Variants in SLIT3 observed in about 807,000 individuals in gnomAD.
SLIT3 encodes the protein slit homolog 3 protein.
Under a neutral mutation model 184.0 loss-of-function variants are expected in SLIT3, and 68 were observed. The ratio of observed to expected loss-of-function variants is 0.37; its 90% CI spans 0.30 to 0.45. The LOEUF is 0.45. Ranked by LOEUF, SLIT3 falls within the 20% of genes least tolerant of loss-of-function variation. The pLI is 1.00. For missense variants in SLIT3, 1,707 were observed against 2,026.0 expected, an observed-to-expected ratio of 0.84 and a Z score of 3.02; for synonymous variants, 831 against 828.6, an observed-to-expected ratio of 1.00 and a Z score of -0.05.
chr5:168,874,513 G>A (rs1759660112), intron 5 of SLIT3, among the ~76,000 whole-genome samples: 1 of 152,178 alleles, frequency 6.6e-6, no homozygotes, highest in South Asian at 2.1e-4. Flanking sequence ...TAACTTACAG[G>A]CTATAGGAGG....
intron 1 of SLIT3, chr5:169,263,711 TC>T: frequency 2.0e-6 from 1 of 509,342 alleles, no homozygotes; most frequent in Non-Finnish European, 4.0e-6. Context: ...CCCTGCAGCC[TC>T]CCCCAGCTGC....
chr5:168,977,779 G>C (rs1185489462), intron 4 of SLIT3, among the ~76,000 whole-genome samples: 5 of 151,476 alleles, frequency 3.3e-5, no homozygotes, highest in Non-Finnish European at 7.4e-5. Flanking sequence ...AGTGTGTTTT[G>C]TTGCTTTCAA....
chr5:168,711,145 G>C (rs1288243990), intron 24 of SLIT3, 87 bp from the exon 25 acceptor site: 18 of 1,290,212 alleles, frequency 1.4e-5, no homozygotes, highest in African/African-American at 4.6e-5. Context: ...TGCATTTTCA[G>C]ACTTTGGCTA....
chr5:168,671,933 A>C (rs1761263131), intron 33 of SLIT3, among the ~76,000 whole-genome samples: 2 of 150,148 alleles, frequency 1.3e-5, no homozygotes, highest in Non-Finnish European at 3.0e-5. Context: ...TGAGGAGATA[A>C]GATAAGGTTT....
rs189035808 is a variant in SLIT3, at chr5:168,712,630, G to A, written c.2484-276C>T. The A allele has an allele frequency of 3.0e-3, 1,206 of 396,346 alleles. 24 individuals carry two copies. Among genetic ancestry groups the A allele is most frequent in the Non-Finnish European group, 8.0e-4 (173 of 217,202 alleles). The allele number at this position is 396,346 out of a possible 1,614,324, so 24.6% of individuals were successfully genotyped here. A position where few individuals can be genotyped will look rare whatever the true frequency, so the allele number is the denominator to read the frequency against. On this transcript the variant is annotated intron_variant, in intron 23 of 35. Transcript: ENST00000519560. The stretch of plus-strand genomic sequence containing the variant: ...AATCAGAAACCAGTCTCTCTTAGCC[G>A]TGGAATGCTGGATAAGTTACGTCAC...
At chr5:168,795,310 G>A (rs998132138) in intron 10 of SLIT3, among the ~76,000 whole-genome samples, 197 bp downstream of exon 10, 1 of 152,158 alleles carries the variant, frequency 6.6e-6, no homozygotes, top group African/African-American at 2.4e-5. Flanking sequence ...ACATGTCCAA[G>A]CCCACACACC....
intron 1 of SLIT3, among the ~76,000 whole-genome samples, chr5:169,295,105 T>C (rs1438370037): frequency 1.3e-5 from 2 of 152,208 alleles, no homozygotes; most frequent in Admixed American, 1.3e-4. Flanking sequence ...CCTTAGGCTG[T>C]ACTAAATTTA....
chr5:169,131,154 T>TTACTTTGG (rs1761281471), intron 4 of SLIT3, among the ~76,000 whole-genome samples: 1 of 152,200 alleles, frequency 6.6e-6, no homozygotes. Flanking sequence ...GCATTAATTA[T>TTACTTTGG]CTGCAACTAC....
chr5:169,170,362 G>T (rs908867913), intron 4 of SLIT3, among the ~76,000 whole-genome samples: 2 of 152,192 alleles, frequency 1.3e-5, no homozygotes, highest in Non-Finnish European at 2.9e-5. Context: ...CCAAGGAAGA[G>T]AGAGCCCTGC....
intron 15 of SLIT3, among the ~76,000 whole-genome samples, chr5:168,762,090 CTT>C (rs11445648): frequency 6.7e-6 from 1 of 148,286 alleles, no homozygotes. Context: ...TTTTTTAGCT[CTT>C]TTTTTTTTGA....
In SLIT3 at chr5:168,884,242, C is replaced by T. The variant is rs149831122; in HGVS notation, c.414-906G>A. ...AGACCGACCCATCAGGCCTCCAGAG[C>T]GTGCAAACTGGCCCTGCAAAACACT... On this transcript the variant is annotated intron_variant, in intron 4 of 35. Transcript: ENST00000519560. Among the ~76,000 whole-genome samples the T allele has an allele frequency of 8.4e-3, 1,281 of 151,708 alleles. 20 individuals carry two copies. The highest frequency in any genetic ancestry group is 0.03 in the African/African-American group (1,240 of 41,328).
Position 168,894,822 on chromosome 5 carries a change from A to G in SLIT3, c.414-11486T>C, listed in dbSNP as rs537822190. 3.1e-4 allele frequency among the ~76,000 whole-genome samples: 47 copies of G among 152,302 alleles called. No homozygotes were observed. In the South Asian group the frequency reaches 9.5e-3, roughly 31 times the overall value. Reference sequence around the variant, plus strand: ...CAACTTCTCCCCTCCTCCTTTCTGAATTCTGGCACTCATAGAGATTAGGAT... The same window carrying G: ...CAACTTCTCCCCTCCTCCTTTCTGAGTTCTGGCACTCATAGAGATTAGGAT... On this transcript the variant is annotated intron_variant, in intron 4 of 35. Transcript: ENST00000519560.
At chr5:169,096,469 A>T (rs1759785611) in intron 4 of SLIT3, among the ~76,000 whole-genome samples, 1 of 152,236 alleles carries the variant, frequency 6.6e-6, no homozygotes, top group Non-Finnish European at 1.5e-5. Flanking sequence ...TTTCACAACT[A>T]CTGGACTCTG....
intron 23 of SLIT3, chr5:168,712,644 A>G (rs1452998699): frequency 8.9e-6 from 3 of 337,030 alleles, no homozygotes; most frequent in Non-Finnish European, 1.6e-5. Context: ...AATGCTGGAT[A>G]AGTTACGTCA....
At chr5:168,878,493 G>A (rs1211079143) in intron 5 of SLIT3, among the ~76,000 whole-genome samples, 2 of 152,142 alleles carry the variant, frequency 1.3e-5, no homozygotes, top group African/African-American at 4.8e-5. Flanking sequence ...AGCAGCTTCT[G>A]GTCACTTTAT....
chr5:168,699,002 C>T (rs75497752), intron 27 of SLIT3, among the ~76,000 whole-genome samples: 8 of 152,338 alleles, frequency 5.3e-5, no homozygotes, highest in East Asian at 3.9e-4. Flanking sequence ...TCTGACCCCC[C>T]CAATCCCTCG....
At chr5:169,220,200 C>T (rs1486906731) in intron 3 of SLIT3, among the ~76,000 whole-genome samples, 1 of 152,036 alleles carries the variant, frequency 6.6e-6, no homozygotes, top group Admixed American at 6.6e-5. Context: ...ACCACAGTGC[C>T]CTGTATAGCC....
chr5:169,160,016 C>T (rs1170367109), intron 4 of SLIT3, among the ~76,000 whole-genome samples: 1 of 152,168 alleles, frequency 6.6e-6, no homozygotes, highest in Non-Finnish European at 1.5e-5. Flanking sequence ...GGTCTCTGAG[C>T]ACTTGGTAGA....
chr5:169,294,885 T>C (rs1246482880), intron 1 of SLIT3, among the ~76,000 whole-genome samples: 2 of 152,178 alleles, frequency 1.3e-5, no homozygotes, highest in South Asian at 2.1e-4. Flanking sequence ...ATCATAAGTA[T>C]GTGTGTTTCT....
Sources: gnomAD v4.1 joint callset for allele counts (sites outside exome capture counted in the v4.1 genomes callset) on GRCh38, gnomAD v4.1.1 for gene constraint, MANE v1.5 for transcripts, NCBI Gene and HGNC (gene_info 2026-07-23, HGNC 2026-07-21) for gene names.